Variants in SCFD1 observed in about 807,000 individuals in gnomAD.
The protein encoded by SCFD1 is sec1 family domain containing 1.
Under a neutral mutation model 103.2 loss-of-function variants are expected in SCFD1, and 37 were observed. The observed-to-expected ratio is 0.36, with a 90% CI of 0.28 to 0.47. The LOEUF (loss-of-function observed/expected upper bound fraction) is 0.47. SCFD1 is among the 20% of genes least tolerant of loss of function. The pLI is 1.00. For synonymous variants in SCFD1, 264 were observed against 245.0 expected (o/e 1.08, Z -0.73); for missense variants, 639 against 761.2 (o/e 0.84, Z 1.89).
chr14:30,710,330 A>AT (rs1415308603), intron 19 of SCFD1, among the ~76,000 whole-genome samples: 1 of 114,660 alleles, frequency 8.7e-6, no homozygotes, highest in African/African-American at 4.7e-5. Context: ...GAGCCATGTC[A>AT]TTAAAAAAAA....
At chr14:30,640,191 T>C (rs1295230607) in intron 6 of SCFD1, among the ~76,000 whole-genome samples, 1 of 152,200 alleles carries the variant, frequency 6.6e-6, no homozygotes, top group African/African-American at 2.4e-5. Context: ...TCTAGTACTT[T>C]GATCTTGGAC....
chr14:30,679,533 T>A (rs1384887461), intron 14 of SCFD1, among the ~76,000 whole-genome samples: 2 of 152,136 alleles, frequency 1.3e-5, no homozygotes, highest in African/African-American at 2.4e-5. Flanking sequence ...TAGGTGTGCT[T>A]TATGCAAGAA....
At chr14:30,622,900 C>T (rs569574970) in intron 1 of SCFD1, among the ~76,000 whole-genome samples, 4 of 152,324 alleles carry the variant, frequency 2.6e-5, no homozygotes, top group Admixed American at 6.5e-5. Context: ...ACATTTTCTC[C>T]TTCAGCTTGC....
intron 20 of SCFD1, among the ~76,000 whole-genome samples, chr14:30,717,832 C>T (rs900712414): frequency 6.7e-6 from 1 of 149,248 alleles, no homozygotes; most frequent in African/African-American, 2.5e-5. Context: ...TGCAGTAAGC[C>T]GAGATCATGC....
chr14:30,724,599 G>A (rs1892914526), intron 23 of SCFD1, among the ~76,000 whole-genome samples: 1 of 152,036 alleles, frequency 6.6e-6, no homozygotes, highest in Admixed American at 6.6e-5. Context: ...CGGGATATTA[G>A]ACCTTTGCTG....
intron 19 of SCFD1, among the ~76,000 whole-genome samples, chr14:30,711,643 G>T (rs1020682914): frequency 2.0e-5 from 3 of 152,070 alleles, no homozygotes; most frequent in African/African-American, 7.2e-5. Context: ...CAACTTATTT[G>T]TCAGTCATAC....
intron 11 of SCFD1, among the ~76,000 whole-genome samples, chr14:30,672,227 A>G (rs1169361325): frequency 6.6e-6 from 1 of 152,096 alleles, no homozygotes; most frequent in South Asian, 2.1e-4. Context: ...AGTTTCCATT[A>G]TAATTAGATG....
intron 14 of SCFD1, among the ~76,000 whole-genome samples, chr14:30,678,276 C>G (rs1473968788): frequency 2.0e-5 from 3 of 152,058 alleles, no homozygotes; most frequent in African/African-American, 7.2e-5. Flanking sequence ...CAGTCGTTTT[C>G]TAAAGAAGAA....
intron 15 of SCFD1, among the ~76,000 whole-genome samples, chr14:30,698,398 TAAGGCAGTTATTAACACTGTAGC>T: frequency 6.6e-6 from 1 of 152,358 alleles, no homozygotes; most frequent in East Asian, 1.9e-4. Flanking sequence ...GCAGATGTTC[TAAGGCAGTTATTAACACTGTAGC>T]AGTTTTAAAG....
chr14:30,668,223 A>G (rs1470558168), intron 10 of SCFD1, among the ~76,000 whole-genome samples: 13 of 152,158 alleles, frequency 8.5e-5, no homozygotes, highest in Non-Finnish European at 1.6e-4. Flanking sequence ...GGAACAGAAC[A>G]GAGGCCTCAG....
intron 14 of SCFD1, among the ~76,000 whole-genome samples, chr14:30,688,695 G>T: frequency 1.5e-5 from 1 of 67,850 alleles, no homozygotes; most frequent in South Asian, 5.7e-4. Flanking sequence ...TTTATTTTGA[G>T]CCTATGTGTG....
chr14:30,631,508 A>G (rs1884125983), intron 3 of SCFD1, among the ~76,000 whole-genome samples: 1 of 152,210 alleles, frequency 6.6e-6, no homozygotes. Context: ...GCACCATCAT[A>G]AAGTCAAAAA....
At chr14:30,673,231 A>T in intron 11 of SCFD1, 26 bp from the exon 12 acceptor site, 3 of 1,276,678 alleles carry the variant, frequency 2.3e-6, no homozygotes, top group Non-Finnish European at 3.3e-6. Flanking sequence ...TGTCATCCTC[A>T]TAGTTCTTGT....
At chr14:30,683,147 GC>G in intron 14 of SCFD1, 1 of 1,124,654 alleles carries the variant, frequency 8.9e-7, no homozygotes, top group South Asian at 1.3e-5. Context: ...TGTTCAAGGG[GC>G]TATCAATGTT....
At chr14:30,675,653 T>A (rs1322138672) in intron 14 of SCFD1, among the ~76,000 whole-genome samples, 1 of 152,176 alleles carries the variant, frequency 6.6e-6, no homozygotes, top group Non-Finnish European at 1.5e-5. Context: ...TTATTTGTTC[T>A]CCACACTTGG....
intron 1 of SCFD1, among the ~76,000 whole-genome samples, chr14:30,627,602 C>T (rs1241594582): frequency 2.0e-5 from 3 of 151,692 alleles, no homozygotes; most frequent in Non-Finnish European, 1.5e-5. Flanking sequence ...CAAAATTAGC[C>T]GGGCATGGCA....
chr14:30,625,539 A>G (rs1285919751), intron 1 of SCFD1, among the ~76,000 whole-genome samples: 1 of 152,050 alleles, frequency 6.6e-6, no homozygotes, highest in Non-Finnish European at 1.5e-5. Context: ...GATAAAAGTA[A>G]AATTACGTTC....
intron 14 of SCFD1, among the ~76,000 whole-genome samples, chr14:30,690,605 C>G (rs1003036141): frequency 4.2e-5 from 6 of 141,512 alleles, no homozygotes; most frequent in Admixed American, 7.0e-5. Context: ...TTTTTTGACT[C>G]GGAAAGGGAA....
intron 7 of SCFD1, among the ~76,000 whole-genome samples, chr14:30,645,532 GCT>G (rs1318423524): frequency 6.6e-6 from 1 of 152,132 alleles, no homozygotes; most frequent in Non-Finnish European, 1.5e-5. Context: ...TTGTTGTAGA[GCT>G]CTCTCACCTC....
Sources: allele counts gnomAD v4.1 joint callset (sites outside exome capture counted in the v4.1 genomes callset), GRCh38; gene constraint gnomAD v4.1.1; transcripts MANE v1.5; gene names NCBI Gene and HGNC (gene_info 2026-07-23, HGNC 2026-07-21).